KHDRBS2: variants seen among roughly 807,000 people sequenced by gnomAD.
The protein encoded by KHDRBS2 is KH RNA binding domain containing, signal transduction associated 2.
KHDRBS2 carries 26 observed loss-of-function variants against 44.3 expected under a neutral mutation model. That is an observed-to-expected ratio of 0.59 (90% CI 0.43 to 0.81). KHDRBS2 has a LOEUF of 0.81. Among genes scored for constraint, KHDRBS2 ranks in the 40% least tolerant of loss-of-function variants. The pLI, the probability that KHDRBS2 is intolerant of heterozygous loss-of-function variation, is 0.00. For missense variants in KHDRBS2, 476 were observed against 433.1 expected, an observed-to-expected ratio of 1.10 and a Z score of -0.88; for synonymous variants, 194 against 151.1, an observed-to-expected ratio of 1.28 and a Z score of -2.08.
the KHDRBS2 span, among the ~76,000 whole-genome samples, chr6:61,637,448 G>C: frequency 6.6e-6 from 1 of 152,086 alleles, no homozygotes; most frequent in Admixed American, 6.6e-5. Context: ...GGACATTTGG[G>C]TTGGTTCCAA....
chr6:61,677,399 A>T (rs1177067285), downstream of KHDRBS2, among the ~76,000 whole-genome samples: 1 of 151,956 alleles, frequency 6.6e-6, no homozygotes. Flanking sequence ...ACTGATAAGT[A>T]AAATTTCAGA....
At chr6:61,688,475 A>G (rs1767048922) in intron 8 of KHDRBS2, among the ~76,000 whole-genome samples, 2 of 151,928 alleles carry the variant, frequency 1.3e-5, no homozygotes, top group South Asian at 4.1e-4. Flanking sequence ...AAATGGTGGT[A>G]TAAAGTAATA....
At chr6:61,700,617 C>T (rs1191267931) in intron 7 of KHDRBS2, among the ~76,000 whole-genome samples, 2 of 151,534 alleles carry the variant, frequency 1.3e-5, no homozygotes, top group African/African-American at 4.9e-5. Context: ...ACCCTTTCAG[C>T]TAGATGTGCC....
At chr6:61,907,984 T>C (rs770476693) in intron 4 of KHDRBS2, among the ~76,000 whole-genome samples, 13 of 152,184 alleles carry the variant, frequency 8.5e-5, no homozygotes, top group Non-Finnish European at 1.9e-4. Context: ...TTAGTTCACT[T>C]GAATAGTATT....
intron 3 of KHDRBS2, among the ~76,000 whole-genome samples, chr6:62,005,264 T>C (rs1361832003): frequency 6.6e-6 from 1 of 152,044 alleles, no homozygotes; most frequent in Non-Finnish European, 1.5e-5. Context: ...TTCAGATACA[T>C]AACTGATTTT....
At chr6:62,071,225 A>G (rs1484414397) in intron 2 of KHDRBS2, among the ~76,000 whole-genome samples, 1 of 152,084 alleles carries the variant, frequency 6.6e-6, no homozygotes, top group Non-Finnish European at 1.5e-5. Context: ...AGATCATTGT[A>G]GATTCTGGAT....
At chr6:61,918,125 C>T (rs1008347126) in intron 4 of KHDRBS2, among the ~76,000 whole-genome samples, 1 of 151,944 alleles carries the variant, frequency 6.6e-6, no homozygotes, top group Non-Finnish European at 1.5e-5. Context: ...AGTCAAATCA[C>T]AAGCAGGGAT....
chr6:61,978,124 C>T lies in KHDRBS2; in HGVS notation c.425G>A (p.Gly142Glu). 6.2e-7 allele frequency: 1 copy of T among 1,611,818 alleles called. No homozygotes were observed. The highest frequency in any genetic ancestry group is 8.5e-7 in the Non-Finnish European group (1 of 1,178,740). ...ATGACTCATACGTGAATAAGCTTCC[C>T]CAGGTGGAGCAAACACTTCAATTAA... ...HVLIEVFAPP[G>E]EAYSRMSHAL... Residue 142 changes from glycine (G) to glutamate (E), a missense_variant, in exon 4 of 9, where the codon GGG becomes GAG. Gly to Glu is a moderately conservative substitution (Grantham distance 98). Coordinates refer to ENST00000281156, the MANE Select transcript of KHDRBS2 (RefSeq NM_152688.4).
chr6:62,073,603 G>T (rs560769429), intron 2 of KHDRBS2, among the ~76,000 whole-genome samples: 2 of 122,990 alleles, frequency 1.6e-5, no homozygotes, highest in East Asian at 4.7e-4. Context: ...TGCTTGCTTT[G>T]GTTCTAGTTT....
At chr6:62,223,302 C>T (rs1189057872) in intron 1 of KHDRBS2, among the ~76,000 whole-genome samples, 2 of 152,214 alleles carry the variant, frequency 1.3e-5, no homozygotes, top group Admixed American at 6.5e-5. Context: ...TCTGCATTAG[C>T]CCCTTTCAGC....
chr6:61,604,805 G>C, the KHDRBS2 span, among the ~76,000 whole-genome samples: 1 of 152,144 alleles, frequency 6.6e-6, no homozygotes, highest in East Asian at 1.9e-4. Context: ...CACTGGATGT[G>C]TAGAGGCCTA....
intron 8 of KHDRBS2, among the ~76,000 whole-genome samples, chr6:61,684,415 CT>C (rs955138982): frequency 1.8e-4 from 28 of 151,896 alleles, no homozygotes; most frequent in African/African-American, 6.7e-4. Context: ...GGGAGTTTCT[CT>C]GAAATTTGAA....
intron 1 of KHDRBS2, among the ~76,000 whole-genome samples, chr6:62,193,550 C>A (rs912568329): frequency 6.6e-6 from 1 of 152,082 alleles, no homozygotes; most frequent in Admixed American, 6.6e-5. Context: ...ATTATACATC[C>A]TTTCCCTTTA....
chr6:61,616,165 A>G, the KHDRBS2 span, among the ~76,000 whole-genome samples: 1 of 152,200 alleles, frequency 6.6e-6, no homozygotes, highest in African/African-American at 2.4e-5. Context: ...GCATCATTGA[A>G]TGGGCTAAGT....
intron 5 of KHDRBS2, among the ~76,000 whole-genome samples, chr6:61,900,937 G>C (rs1244074134): frequency 6.6e-6 from 1 of 152,170 alleles, no homozygotes. Context: ...AGAGGTAGTT[G>C]TTAAAAGTAT....
intron 4 of KHDRBS2, among the ~76,000 whole-genome samples, chr6:61,916,965 A>ATTTTTTTTTTTTTTTTTTTT (rs10700035): frequency 2.2e-5 from 2 of 90,640 alleles, no homozygotes; most frequent in African/African-American, 4.3e-5. Flanking sequence ...GGAACTCTGT[A>ATTTTTTTTTTTTTTTTTTTT]TTTTTTTTTT....
chr6:61,837,175 C>T (rs1295680394), intron 6 of KHDRBS2, among the ~76,000 whole-genome samples: 1 of 151,966 alleles, frequency 6.6e-6, no homozygotes, highest in Non-Finnish European at 1.5e-5. Context: ...ATATAATTCA[C>T]AAATCAGGAC....
chr6:61,689,681 G>A (rs1054653935), intron 8 of KHDRBS2, among the ~76,000 whole-genome samples: 1 of 151,898 alleles, frequency 6.6e-6, no homozygotes, highest in Non-Finnish European at 1.5e-5. Context: ...AGCTTCTACT[G>A]GGATCTTCCT....
At chr6:62,240,600 A>G (rs1463761628) in intron 1 of KHDRBS2, among the ~76,000 whole-genome samples, 1 of 147,082 alleles carries the variant, frequency 6.8e-6, no homozygotes, top group Non-Finnish European at 1.5e-5. Flanking sequence ...ATACATATAC[A>G]TACATATATC....
Sources: allele counts gnomAD v4.1 joint callset (sites outside exome capture counted in the v4.1 genomes callset), GRCh38; gene constraint gnomAD v4.1.1; transcripts MANE v1.5; gene names NCBI Gene and HGNC (gene_info 2026-07-23, HGNC 2026-07-21).